Variants in YTHDC2 observed in about 807,000 individuals in gnomAD.
The protein encoded by YTHDC2 is 3'-5' RNA helicase YTHDC2.
A neutral mutation model predicts 174.9 loss-of-function variants in YTHDC2; 45 were observed. That is an observed-to-expected ratio of 0.26 (90% confidence interval 0.20 to 0.33). YTHDC2 has a LOEUF of 0.33. Ranked by LOEUF, YTHDC2 falls within the 10% of genes least tolerant of loss-of-function variation. The pLI is 1.00. For synonymous variants in YTHDC2, 657 were observed against 574.5 expected (o/e 1.14, Z -2.05); for missense variants, 1,650 against 1,723.7 (o/e 0.96, Z 0.76).
intron 2 of YTHDC2, 60 bp downstream of exon 2, chr5:113,515,422 A>G: frequency 7.2e-7 from 1 of 1,380,910 alleles, no homozygotes; most frequent in South Asian, 1.2e-5. Flanking sequence ...AAAAGGGAGA[A>G]ACGTTTCTGA....
intron 4 of YTHDC2, among the ~76,000 whole-genome samples, chr5:113,529,408 G>C (rs1012039803): frequency 1.3e-5 from 2 of 152,168 alleles, no homozygotes; most frequent in Admixed American, 6.5e-5. Flanking sequence ...AAGTGGAAAT[G>C]CCAGATCAAG....
In YTHDC2 at chr5:113,536,930, A is replaced by G. The variant is rs1775121128; in HGVS notation, c.1102+1132A>G. Among the ~76,000 whole-genome samples, 3 of 152,284 alleles carry G rather than the reference A, an allele frequency of 2.0e-5. No individual in the cohort carries two copies. In the South Asian group the frequency reaches 6.2e-4, roughly 32 times the overall value. On this transcript the variant is annotated intron_variant, in intron 7 of 29. Coordinates refer to ENST00000161863, the MANE Select transcript of YTHDC2 (RefSeq NM_022828.5). ...TCATGAACAGTTTTCCAGTTTAGTAACCCTGGATCTAGTTCTTTATTTTAA... is the reference window on the plus strand; with the variant it reads ...TCATGAACAGTTTTCCAGTTTAGTAGCCCTGGATCTAGTTCTTTATTTTAA...
Position 113,513,728 on chromosome 5 carries a change from C to T in YTHDC2, c.-168C>T, listed in dbSNP as rs756223567. 4.2e-5 allele frequency: 30 copies of T among 708,164 alleles called. No homozygotes were observed. Among genetic ancestry groups the T allele is most frequent in the South Asian group, 8.3e-5 (4 of 48,340 alleles). The allele number at this position is 708,164 out of a possible 1,614,324, so 43.9% of individuals were successfully genotyped here. A position where few individuals can be genotyped will look rare whatever the true frequency, so the allele number is the denominator to read the frequency against. ...CTGGCCGTGATATCAATGGCGCAGG[C>T]TTCACTTCTGCTGTGGCGGTGACTG... On this transcript the variant is annotated 5_prime_UTR_variant, in exon 1 of 30. Coordinates refer to ENST00000161863, the MANE Select transcript of YTHDC2 (RefSeq NM_022828.5).
rs540678160 is a variant in YTHDC2 at position 113,580,926 on chromosome 5, G to A, written c.3355-491G>A. On this transcript the variant is annotated intron_variant, in intron 24 of 29. Coordinates refer to ENST00000161863, the MANE Select transcript of YTHDC2 (RefSeq NM_022828.5). ...TAAATTTTAAGTTCTCTAGCACTTT[G>A]TGTCTTACTCTTATCTTCTTACTCC... Among the ~76,000 whole-genome samples, 284 of 152,244 alleles carry A rather than the reference G, an allele frequency of 1.9e-3. 2 individuals carry two copies. Among genetic ancestry groups the A allele is most frequent in the African/African-American group, 6.5e-3 (272 of 41,546 alleles).
At chr5:113,522,745 C>G (rs1028263884) in intron 2 of YTHDC2, among the ~76,000 whole-genome samples, 1 of 152,090 alleles carries the variant, frequency 6.6e-6, no homozygotes, top group African/African-American at 2.4e-5. Flanking sequence ...ATCCTCACAA[C>G]AATGAGGTGA....
chr5:113,536,776 G>T lies in YTHDC2; in HGVS notation c.1102+978G>T, dbSNP rs533357228. ...GATTTATGATTTATGGATGTTAACA[G>T]TGTTTTATATATATTTGTTCTTCAT... is the stretch of plus-strand genomic sequence containing the variant. On this transcript the variant is annotated intron_variant, in intron 7 of 29. Coordinates refer to ENST00000161863, the MANE Select transcript of YTHDC2 (RefSeq NM_022828.5). Among the ~76,000 whole-genome samples the T allele has an allele frequency of 2.7e-3, 200 of 72,884 alleles. 1 individual carries two copies. Among genetic ancestry groups the T allele is most frequent in the African/African-American group, 0.022 (192 of 8,728 alleles). The allele number at this position is 72,884 out of a possible 152,430, so 47.8% of individuals were successfully genotyped here. A position where few individuals can be genotyped will look rare whatever the true frequency, so the allele number is the denominator to read the frequency against.
chr5:113,530,523 C>G (rs186486917), intron 4 of YTHDC2, among the ~76,000 whole-genome samples: 1 of 151,986 alleles, frequency 6.6e-6, no homozygotes, highest in Non-Finnish European at 1.5e-5. Context: ...ACAGGTAGTG[C>G]GAGTACCTTA....
chr5:113,515,169 TTTGA>T (rs1773319241), intron 1 of YTHDC2, 99 bp from the exon 2 acceptor site: 3 of 682,078 alleles, frequency 4.4e-6, no homozygotes, highest in Middle Eastern at 4.2e-4. Context: ...GTATAATAAA[TTTGA>T]TTGTCTATGT....
At chr5:113,520,566 G>C (rs963420717) in intron 2 of YTHDC2, among the ~76,000 whole-genome samples, 4 of 150,234 alleles carry the variant, frequency 2.7e-5, no homozygotes, top group African/African-American at 9.8e-5. Context: ...CCTTTGGTTT[G>C]GTGCTGATTC....
At chr5:113,569,261 G>GATTGCAAAAATTTTCTCCC (rs1415322107) in intron 23 of YTHDC2, among the ~76,000 whole-genome samples, 4 of 152,152 alleles carry the variant, frequency 2.6e-5, no homozygotes, top group Non-Finnish European at 5.9e-5. Context: ...CAGATGGATA[G>GATTGCAAAAATTTTCTCCC]ATTGCAAAAA....
chr5:113,517,370 C>G (rs1352569560), intron 2 of YTHDC2, among the ~76,000 whole-genome samples: 1 of 152,206 alleles, frequency 6.6e-6, no homozygotes, highest in Non-Finnish European at 1.5e-5. Flanking sequence ...GTAGCTACAT[C>G]ATTTCTATGG....
intron 26 of YTHDC2, among the ~76,000 whole-genome samples, chr5:113,590,826 A>G (rs1778966278): frequency 6.6e-6 from 1 of 152,214 alleles, no homozygotes; most frequent in Admixed American, 6.6e-5. Context: ...TTTGTTGATA[A>G]GGGATTTTGA....
At chr5:113,540,941 A>G (rs1195221421) in intron 8 of YTHDC2, 27 bp from the exon 9 acceptor site, 3 of 1,595,372 alleles carry the variant, frequency 1.9e-6, no homozygotes, top group Non-Finnish European at 2.6e-6. Flanking sequence ...ATTTGTCTAC[A>G]TATTCTTTCT....
intron 18 of YTHDC2, among the ~76,000 whole-genome samples, chr5:113,561,400 T>C (rs1580587225): frequency 1.3e-5 from 1 of 76,520 alleles, no homozygotes; most frequent in East Asian, 3.1e-4. Flanking sequence ...CACTTGAATA[T>C]TTAAATTATG....
At chr5:113,515,231 C>T in intron 1 of YTHDC2, 41 bp from the exon 2 acceptor site, 1 of 1,496,610 alleles carries the variant, frequency 6.7e-7, no homozygotes, top group Middle Eastern at 2.3e-4. Context: ...GAGAAAATTG[C>T]CTATCTACAA....
chr5:113,565,813 A>C, intron 20 of YTHDC2, 80 bp from the exon 21 acceptor site: 2 of 1,400,956 alleles, frequency 1.4e-6, no homozygotes, highest in Non-Finnish European at 1.9e-6. Context: ...GAATTCGTGT[A>C]GTGATTTGTA....
Position 113,553,817 on chromosome 5 carries a change from A to T in YTHDC2, c.2015A>T (p.Lys672Ile), listed in dbSNP as rs1776427134. 1 of 1,612,456 alleles carries T rather than the reference A, an allele frequency of 6.2e-7. No individual in the cohort carries two copies. Among genetic ancestry groups the T allele is most frequent in the Non-Finnish European group, 8.5e-7 (1 of 1,179,370 alleles). Reference sequence around the variant, plus strand: ...AATATGCAAACATCCGATCAAAAGAAAGTATTAAAAAACCCACCTGCAGGT... The same window carrying T: ...AATATGCAAACATCCGATCAAAAGATAGTATTAAAAAACCCACCTGCAGGT... ...HSNMQTSDQK[K>I]VLKNPPAGVR... Residue 672 changes from lysine to isoleucine, a missense_variant, in exon 15 of 30, where the codon AAA becomes ATA. Coordinates refer to ENST00000161863, the MANE Select transcript of YTHDC2 (RefSeq NM_022828.5).
intron 26 of YTHDC2, among the ~76,000 whole-genome samples, chr5:113,589,210 C>T (rs112427576): frequency 1.3e-5 from 2 of 151,344 alleles, no homozygotes; most frequent in Non-Finnish European, 2.9e-5. Context: ...TCATATGGTT[C>T]CACAGGTCAC....
intron 20 of YTHDC2, among the ~76,000 whole-genome samples, chr5:113,565,558 A>G (rs1777278762): frequency 6.6e-6 from 1 of 152,192 alleles, no homozygotes; most frequent in South Asian, 2.1e-4. Context: ...ATTCTTAGAT[A>G]TAAGTGTTAA....
Sources: allele counts gnomAD v4.1 joint callset (sites outside exome capture counted in the v4.1 genomes callset), GRCh38; gene constraint gnomAD v4.1.1; transcripts MANE v1.5; gene names NCBI Gene and HGNC (gene_info 2026-07-23, HGNC 2026-07-21).